Variants in ZNF536 observed in about 807,000 individuals in gnomAD.
ZNF536 encodes the protein zinc finger protein 536.
A neutral mutation model predicts 84.5 loss-of-function variants in ZNF536; 13 were observed. The observed-to-expected ratio is 0.15, with a 90% CI of 0.10 to 0.24. The LOEUF (loss-of-function observed/expected upper bound fraction) is 0.24, where lower values mean the gene tolerates loss of function less well. Ranked by LOEUF, ZNF536 falls within the 10% of genes least tolerant of loss-of-function variation. The probability of loss-of-function intolerance (pLI) is 1.00; values close to 1 mark genes in which losing one functional copy is unlikely to be tolerated. For synonymous variants in ZNF536, 811 were observed against 742.5 expected, an observed-to-expected ratio of 1.09 and a Z score of -1.50; for missense variants, 1,536 against 1,747.5, an observed-to-expected ratio of 0.88 and a Z score of 2.16.
chr19:30,602,137 G>C (rs1280284019), intron 1 of ZNF536, among the ~76,000 whole-genome samples: 11 of 152,186 alleles, frequency 7.2e-5, no homozygotes, highest in African/African-American at 2.7e-4. Flanking sequence ...ATGAAGTATT[G>C]GGTTCTCACT....
chr19:30,683,890 T>G (rs2051070937), intron 1 of ZNF536, among the ~76,000 whole-genome samples: 2 of 152,240 alleles, frequency 1.3e-5, no homozygotes, highest in African/African-American at 2.4e-5. Flanking sequence ...ATAGCTAGGT[T>G]AATCAGAGCA....
chr19:30,711,743 G>A (rs193226842), exon 2 of ZNF536: 25 of 152,024 alleles, frequency 1.6e-4, no homozygotes, highest in Non-Finnish European at 1.9e-4. Context: ...ATTGTTCTCG[G>A]TAGCCTTTTC....
At chr19:30,245,860 T>A (rs543002008) in intron 1 of ZNF536, among the ~76,000 whole-genome samples, 1 of 152,358 alleles carries the variant, frequency 6.6e-6, no homozygotes, top group South Asian at 2.1e-4. Flanking sequence ...GGCCACGCAG[T>A]CCCTGCTGCA....
At chr19:30,378,282 T>A (rs1398400479) in intron 1 of ZNF536, among the ~76,000 whole-genome samples, 1 of 152,206 alleles carries the variant, frequency 6.6e-6, no homozygotes, top group Non-Finnish European at 1.5e-5. Flanking sequence ...TGCCTCAGCC[T>A]CTCAAGTAGC....
chr19:30,549,080 G>A lies in ZNF536; in HGVS notation c.3461G>A (p.Ser1154Asn), dbSNP rs780331128. ...DVPILIPETTSKNTTDDLSDI... is the reference protein window; with the variant it reads ...DVPILIPETTNKNTTDDLSDI... ...CCCATCCTGATCCCCGAAACCACGA[G>A]TAAGAACACTACTGATGACCTCTCT... The change falls in exon 4 of 5, where the codon AGT (serine) becomes AAT (asparagine). Residue 1154 changes from serine to asparagine, a missense_variant. Transcript: ENST00000355537. 2.1e-5 allele frequency: 34 copies of A among 1,614,170 alleles called. 1 individual carries two copies. Among genetic ancestry groups the A allele is most frequent in the Non-Finnish European group, 2.8e-5 (33 of 1,180,040 alleles).
At chr19:30,542,832 G>A (rs2146075790) in intron 3 of ZNF536, among the ~76,000 whole-genome samples, 1 of 152,192 alleles carries the variant, frequency 6.6e-6, no homozygotes, top group South Asian at 2.1e-4. Context: ...TTTTTCTAGA[G>A]ACAGGGTCTC....
intron 2 of ZNF536, among the ~76,000 whole-genome samples, chr19:30,466,743 AGGAAGAAAGGAG>A (rs1455408258): frequency 0.029 from 2,164 of 74,500 alleles, 63 homozygotes; most frequent in African/African-American, 0.14. Context: ...GAGGGAGGGA[AGGAAGAAAGGAG>A]GGAAGGAAGG....
At chr19:30,227,046 G>A (rs2022653742), upstream of ZNF536, among the ~76,000 whole-genome samples, 1 of 151,846 alleles carries the variant, frequency 6.6e-6, no homozygotes, top group African/African-American at 2.4e-5. Context: ...AAAGTGTCCA[G>A]ATCTCGACGC....
At position 30,530,951 on chromosome 19, in the gene ZNF536, G is replaced by C. The variant is rs531889210; in HGVS notation, c.2171-3896G>C. ...CATCCTGGCACAGGCTGGGGCTCACGCACAGTGCCCTGCGGGTGTCCTGCC... is the reference window on the plus strand; with the variant it reads ...CATCCTGGCACAGGCTGGGGCTCACCCACAGTGCCCTGCGGGTGTCCTGCC... On this transcript the variant is annotated intron_variant, in intron 2 of 4. Transcript: ENST00000355537. 5.4e-4 allele frequency among the ~76,000 whole-genome samples: 82 copies of C among 152,304 alleles called. 3 individuals are homozygous for C. The South Asian group carries it at 0.013, about 23-fold the overall frequency.
At chr19:30,390,577 C>T (rs1034417403) in intron 1 of ZNF536, among the ~76,000 whole-genome samples, 2 of 152,328 alleles carry the variant, frequency 1.3e-5, no homozygotes, top group East Asian at 1.9e-4. Context: ...AGAGCAAATC[C>T]CACATTCTGC....
intron 1 of ZNF536, among the ~76,000 whole-genome samples, chr19:30,427,056 T>C (rs2051247680): frequency 6.6e-6 from 1 of 152,188 alleles, no homozygotes; most frequent in Non-Finnish European, 1.5e-5. Context: ...CAAAGAAAAG[T>C]AAGACACAGA....
At chr19:30,287,184 T>C (rs1217902160) in intron 2 of ZNF536, among the ~76,000 whole-genome samples, 1 of 134,004 alleles carries the variant, frequency 7.5e-6, no homozygotes, top group Non-Finnish European at 1.5e-5. Context: ...GGTGACTAGA[T>C]GGATGGATGG....
chr19:30,547,241 T>C (rs2045592431), intron 3 of ZNF536, among the ~76,000 whole-genome samples: 2 of 152,216 alleles, frequency 1.3e-5, no homozygotes, highest in South Asian at 4.1e-4. Context: ...ATTGACTGCT[T>C]TTTATCTTAA....
chr19:30,383,754 TTTC>T (rs1273738265), intron 1 of ZNF536, among the ~76,000 whole-genome samples: 745 of 10,640 alleles, frequency 0.07, 49 homozygotes, highest in African/African-American at 0.14. Context: ...TCTTTCTTTC[TTTC>T]TCTTTCTTTC....
Position 30,389,379 on chromosome 19 carries a change from A to T in ZNF536, c.-3+16823A>T, listed in dbSNP as rs71350807. Among the ~76,000 whole-genome samples, 1,392 of 152,198 alleles carry T rather than the reference A, an allele frequency of 9.1e-3. 11 individuals are homozygous for T. Among genetic ancestry groups the T allele is most frequent in the South Asian group, 0.019 (92 of 4,818 alleles). Reference sequence around the variant, plus strand: ...GAAAAATCTAGCGACCATAGATGGGACCTTGCCTCTCCTCTACTCTGGACA... The same window carrying T: ...GAAAAATCTAGCGACCATAGATGGGTCCTTGCCTCTCCTCTACTCTGGACA... On this transcript the variant is annotated intron_variant, in intron 1 of 4. Coordinates refer to ENST00000355537, the MANE Select transcript of ZNF536 (RefSeq NM_014717.3).
At chr19:30,289,223 A>G (rs1349840554) in intron 2 of ZNF536, among the ~76,000 whole-genome samples, 1 of 152,174 alleles carries the variant, frequency 6.6e-6, no homozygotes, top group East Asian at 1.9e-4. Flanking sequence ...CCCCCTCACA[A>G]ATGAGACTGT....
chr19:30,644,236 T>C (rs1047046662), intron 1 of ZNF536, among the ~76,000 whole-genome samples: 1 of 152,228 alleles, frequency 6.6e-6, no homozygotes, highest in Non-Finnish European at 1.5e-5. Flanking sequence ...TATATGTATA[T>C]TTTTAAAAAT....
intron 2 of ZNF536, among the ~76,000 whole-genome samples, chr19:30,498,198 T>C (rs2054799249): frequency 2.0e-5 from 3 of 152,168 alleles, no homozygotes; most frequent in African/African-American, 7.2e-5. Flanking sequence ...CAAATGACCG[T>C]TAATGATAGA....
chr19:30,342,912 C>T (rs2047609483), intron 2 of ZNF536, among the ~76,000 whole-genome samples: 1 of 152,228 alleles, frequency 6.6e-6, no homozygotes, highest in Non-Finnish European at 1.5e-5. Flanking sequence ...GAGAGGTCAA[C>T]ACCTGAACAG....
Sources: gnomAD v4.1 joint callset for allele counts (sites outside exome capture counted in the v4.1 genomes callset) on GRCh38, gnomAD v4.1.1 for gene constraint, MANE v1.5 for transcripts, NCBI Gene and HGNC (gene_info 2026-07-23, HGNC 2026-07-21) for gene names.